Variants in AKAP19 observed in about 807,000 individuals in gnomAD.
AKAP19 encodes the protein A-kinase anchoring protein 19.
At chr2:190,181,277 T>C in the AKAP19 span, 3 of 420,674 alleles carry the variant, frequency 7.1e-6, no homozygotes, top group Non-Finnish European at 9.6e-6. Context: ...GAGCCTCACA[T>C]CTCCGTCCCC....
chr2:189,932,541 T>C, the AKAP19 span, among the ~76,000 whole-genome samples: 3 of 151,904 alleles, frequency 2.0e-5, no homozygotes, highest in Admixed American at 2.0e-4. Context: ...GAATTATCCC[T>C]TCTCCTTTAT....
the AKAP19 span, among the ~76,000 whole-genome samples, chr2:190,150,005 C>T: frequency 2.6e-5 from 4 of 152,052 alleles, no homozygotes; most frequent in African/African-American, 7.2e-5. Flanking sequence ...GGGGGAAAGC[C>T]GGCAGTCACA....
the AKAP19 span, among the ~76,000 whole-genome samples, chr2:190,007,884 C>G: frequency 6.6e-6 from 1 of 152,164 alleles, no homozygotes; most frequent in Non-Finnish European, 1.5e-5. Flanking sequence ...ATCGCTTGAA[C>G]CCAGGAGGCA....
the AKAP19 span, among the ~76,000 whole-genome samples, chr2:189,998,771 C>CTTTCTTTTTTTT: frequency 1.0e-5 from 1 of 97,546 alleles, no homozygotes; most frequent in African/African-American, 4.3e-5. Context: ...TTCTTTCTTT[C>CTTTCTTTTTTTT]TTTTTTTTTT....
chr2:190,135,610 G>A, the AKAP19 span, among the ~76,000 whole-genome samples: 2 of 152,186 alleles, frequency 1.3e-5, no homozygotes, highest in East Asian at 1.9e-4. Context: ...GTTGTCTTGA[G>A]TTTGAGTCCC....
At chr2:189,991,864 G>T in the AKAP19 span, among the ~76,000 whole-genome samples, 1 of 152,136 alleles carries the variant, frequency 6.6e-6, no homozygotes, top group Non-Finnish European at 1.5e-5. Context: ...ATGTTGAGTT[G>T]ATTTTTGTAT....
the AKAP19 span, chr2:189,923,915 G>A: frequency 6.2e-7 from 1 of 1,611,358 alleles, no homozygotes. Context: ...AAAACAAAAA[G>A]TGGATTCTTT....
chr2:190,101,642 A>G, the AKAP19 span, among the ~76,000 whole-genome samples: 1 of 151,966 alleles, frequency 6.6e-6, no homozygotes, highest in East Asian at 1.9e-4. Flanking sequence ...CTAAATATAT[A>G]TGTACTCAAC....
the AKAP19 span, among the ~76,000 whole-genome samples, chr2:189,954,772 A>G: frequency 0.014 from 2,145 of 152,224 alleles, 42 homozygotes; most frequent in Middle Eastern, 0.02. Context: ...GACTTTTCTG[A>G]TATTCATTTA....
chr2:189,961,630 C>T, the AKAP19 span, among the ~76,000 whole-genome samples: 4 of 151,838 alleles, frequency 2.6e-5, no homozygotes, highest in African/African-American at 2.4e-5. Context: ...GTATCAGACT[C>T]GGCTGGGCAT....
chr2:190,038,929 T>TTCTTCC, the AKAP19 span, among the ~76,000 whole-genome samples: 6 of 143,528 alleles, frequency 4.2e-5, no homozygotes, highest in African/African-American at 1.6e-4. Flanking sequence ...CTTCTTCTTC[T>TTCTTCC]TCTTCTTCTT....
chr2:189,988,208 A>G, the AKAP19 span, among the ~76,000 whole-genome samples: 1 of 152,210 alleles, frequency 6.6e-6, no homozygotes, highest in Admixed American at 6.5e-5. Flanking sequence ...TAGGTTCACA[A>G]TACTGATGTT....
At chr2:189,900,218 A>C in the AKAP19 span, among the ~76,000 whole-genome samples, 1 of 152,168 alleles carries the variant, frequency 6.6e-6, no homozygotes, top group South Asian at 2.1e-4. Context: ...AATGAAATGC[A>C]TTTTTCAAAA....
chr2:190,080,642 CATTT>C, the AKAP19 span, among the ~76,000 whole-genome samples: 1 of 152,208 alleles, frequency 6.6e-6, no homozygotes, highest in Non-Finnish European at 1.5e-5. Context: ...ATTCAAGGAA[CATTT>C]ATTGAGTACT....
the AKAP19 span, among the ~76,000 whole-genome samples, chr2:190,067,208 T>C: frequency 1.3e-5 from 2 of 152,286 alleles, no homozygotes; most frequent in South Asian, 2.1e-4. Context: ...CTTCATACAT[T>C]ATGGGGCCTC....
chr2:190,105,046 A>G, the AKAP19 span, among the ~76,000 whole-genome samples: 15 of 152,328 alleles, frequency 9.8e-5, no homozygotes, highest in Admixed American at 5.9e-4. Context: ...GTGGAAGTCT[A>G]AATTAGTTCA....
At chr2:190,195,675 A>T in the AKAP19 span, among the ~76,000 whole-genome samples, 1 of 152,218 alleles carries the variant, frequency 6.6e-6, no homozygotes, top group Non-Finnish European at 1.5e-5. Context: ...TTTATCAAAT[A>T]TGCTTTTGCA....
the AKAP19 span, among the ~76,000 whole-genome samples, chr2:190,145,385 C>G: frequency 1.3e-5 from 2 of 152,120 alleles, no homozygotes; most frequent in Non-Finnish European, 2.9e-5. Flanking sequence ...CTGCTGGATA[C>G]TTGTGTTCTA....
At chr2:189,924,534 T>C in the AKAP19 span, among the ~76,000 whole-genome samples, 3 of 152,212 alleles carry the variant, frequency 2.0e-5, no homozygotes, top group East Asian at 3.8e-4. Context: ...AATCTCTTGT[T>C]ATGCAGGGAG....
Sources: gnomAD v4.1 joint callset for allele counts (sites outside exome capture counted in the v4.1 genomes callset) on GRCh38, gnomAD v4.1.1 for gene constraint, MANE v1.5 for transcripts, NCBI Gene and HGNC (gene_info 2026-07-23, HGNC 2026-07-21) for gene names.